The following LCOR variants were observed in gnomAD, a reference collection of about 807,000 sequenced individuals.
LCOR encodes the protein ligand dependent nuclear receptor corepressor.
In LCOR, 14 loss-of-function variants were observed where a neutral mutation model predicts 64.4. That is an observed-to-expected ratio of 0.22 (90% CI 0.14 to 0.34). The LOEUF (loss-of-function observed/expected upper bound fraction) is 0.34, where lower values mean the gene tolerates loss of function less well. Among genes scored for constraint, LCOR ranks in the 10% least tolerant of loss-of-function variants. The probability of loss-of-function intolerance (pLI) is 1.00; values close to 1 mark genes in which losing one functional copy is unlikely to be tolerated. For missense variants in LCOR, 1,686 were observed against 1,765.3 expected (o/e 0.96, Z 0.80); for synonymous variants, 643 against 642.5 (o/e 1.00, Z -0.01).
intron 4 of LCOR, among the ~76,000 whole-genome samples, chr10:96,922,958 C>T (rs941495926): frequency 6.6e-6 from 1 of 152,112 alleles, no homozygotes; most frequent in African/African-American, 2.4e-5. Context: ...TGATAGTCTG[C>T]TTAACAGTCA....
intron 4 of LCOR, among the ~76,000 whole-genome samples, chr10:96,933,594 C>G (rs370766155): frequency 4.6e-5 from 7 of 152,128 alleles, no homozygotes; most frequent in African/African-American, 1.7e-4. Flanking sequence ...GATCTGGGCT[C>G]ACTCAACCTC....
intron 4 of LCOR, among the ~76,000 whole-genome samples, chr10:96,942,472 A>AGGGAGAG (rs1029469531): frequency 7.9e-5 from 12 of 151,720 alleles, no homozygotes; most frequent in African/African-American, 2.7e-4. Flanking sequence ...GGAGAGGGAG[A>AGGGAGAG]GGGAGCGGTC....
At chr10:96,894,547 G>A (rs1391943083) in intron 2 of LCOR, among the ~76,000 whole-genome samples, 1 of 152,188 alleles carries the variant, frequency 6.6e-6, no homozygotes, top group African/African-American at 2.4e-5. Context: ...TTATTATGCA[G>A]GCAGTAGCTA....
At chr10:96,833,169 CCG>C (rs1427800623) in intron 1 of LCOR, 1 of 985,262 alleles carries the variant, frequency 1.0e-6, no homozygotes, top group Non-Finnish European at 1.2e-6. Context: ...GGGGGTGGGA[CCG>C]GGTCCGACCG....
intron 2 of LCOR, among the ~76,000 whole-genome samples, chr10:96,890,671 A>G (rs190244730): frequency 8.7e-4 from 133 of 152,176 alleles, no homozygotes; most frequent in Non-Finnish European, 1.3e-3. Context: ...GTATTTTGCT[A>G]TTGAGTATGT....
chr10:96,984,621 T>C lies in LCOR; in HGVS notation c.4161T>C (p.Ser1387=). 3.1e-6 allele frequency: 5 copies of C among 1,614,182 alleles called. No individual in the cohort carries two copies. The highest frequency in any genetic ancestry group is 4.2e-6 in the Non-Finnish European group (5 of 1,180,044). ...GMKGRKGKQV[S]EILPKAEVQS... is the part of the protein sequence containing the mutation. ...AGGGAAGGAAGGGGAAGCAGGTGTC[T>C]GAAATCTTGCCTAAAGCAGAAGTTC... Residue 1387 remains serine (S), a synonymous_variant, in exon 8 of 8, where the codon TCT becomes TCC. Transcript: ENST00000421806.
chr10:96,832,876 C>G (rs1344160207), intron 1 of LCOR: 1 of 566,906 alleles, frequency 1.8e-6, no homozygotes, highest in Admixed American at 6.4e-5. Context: ...TGCGCCACCC[C>G]TCCCCCACGC....
chr10:96,949,048 C>G lies in LCOR; in HGVS notation c.-10C>G. On this transcript the variant is annotated 5_prime_UTR_variant, in exon 6 of 8. Coordinates refer to ENST00000421806, the MANE Select transcript of LCOR (RefSeq NM_001346516.2). ...CCGACCCCAATATTCCCCTAGTGGC[C>G]CGTGAGATCATGCAGCGAATGATCC... 6.2e-7 allele frequency: 1 copy of G among 1,613,710 alleles called. No individual in the cohort carries two copies. Among genetic ancestry groups the G allele is most frequent in the Non-Finnish European group, 8.5e-7 (1 of 1,179,846 alleles).
At chr10:96,920,489 T>C (rs530336098) in intron 4 of LCOR, among the ~76,000 whole-genome samples, 1 of 74,436 alleles carries the variant, frequency 1.3e-5, no homozygotes, top group Admixed American at 1.3e-4. Context: ...TGTATATTCA[T>C]ATATATGTGT....
intron 4 of LCOR, among the ~76,000 whole-genome samples, chr10:96,939,963 A>G (rs940599533): frequency 2.0e-5 from 3 of 152,242 alleles, no homozygotes; most frequent in Non-Finnish European, 2.9e-5. Flanking sequence ...ACTCCGTCTC[A>G]AAAATAAAAG....
rs142124429 is a variant in LCOR, at chr10:96,867,526, G to C, written c.-330+34047G>C. 8.0e-3 allele frequency among the ~76,000 whole-genome samples: 1,214 copies of C among 152,288 alleles called. 11 individuals carry two copies. Among genetic ancestry groups the C allele is most frequent in the South Asian group, 0.039 (186 of 4,830 alleles). On this transcript the variant is annotated intron_variant, in intron 2 of 7. Transcript: ENST00000421806. ...GTGGGAGGATCGCTTGAGCTGAGGA[G>C]ATTAAGGCTGCAGTGAGCTGTGATC...
chr10:96,941,241 A>G (rs1264355388), intron 4 of LCOR, among the ~76,000 whole-genome samples: 1 of 65,626 alleles, frequency 1.5e-5, no homozygotes. Context: ...CGGGGGGCTG[A>G]CCCCCCCACC....
chr10:96,955,229 C>G (rs764403478), intron 7 of LCOR: 2 of 1,614,138 alleles, frequency 1.2e-6, no homozygotes, highest in Non-Finnish European at 8.5e-7. Context: ...ACGAGTTCAA[C>G]CTCAGCCGTA....
At chr10:96,891,523 C>A (rs1191068670) in intron 2 of LCOR, among the ~76,000 whole-genome samples, 2 of 11,812 alleles carry the variant, frequency 1.7e-4, no homozygotes, top group South Asian at 3.3e-3. Flanking sequence ...CTTACTCTGT[C>A]TTGACTCTTT....
In LCOR at chr10:96,915,566, T is replaced by TA. The variant is rs1282547126; in HGVS notation, c.-184+7825dup. ...AATTCTGCATTTTTATGAAACTTGG[T>TA]AAAAAATAGAATTTCAAACTATACA... On this transcript the variant is annotated intron_variant, in intron 4 of 7. Transcript: ENST00000421806. The TA allele has an allele frequency of 8.1e-5, 54 of 670,528 alleles. 1 individual carries two copies. Among genetic ancestry groups the TA allele is most frequent in the South Asian group, 7.6e-4 (49 of 64,328 alleles). The allele number at this position is 670,528 out of a possible 1,614,324, so 41.5% of individuals were successfully genotyped here.
chr10:96,920,434 G>GTATATATGTATGTATATTCA (rs71007309), intron 4 of LCOR, among the ~76,000 whole-genome samples: 21 of 124,002 alleles, frequency 1.7e-4, no homozygotes, highest in Admixed American at 7.8e-4. Flanking sequence ...ATATATATGT[G>GTATATATGTATGTATATTCA]TATATATGTG....
chr10:96,844,787 CAG>C (rs1845599288), intron 2 of LCOR, among the ~76,000 whole-genome samples: 1 of 152,166 alleles, frequency 6.6e-6, no homozygotes, highest in Non-Finnish European at 1.5e-5. Flanking sequence ...TCTACGCCTA[CAG>C]AGTCTTCTGT....
At chr10:96,851,809 A>G (rs1845725654) in intron 2 of LCOR, among the ~76,000 whole-genome samples, 1 of 152,198 alleles carries the variant, frequency 6.6e-6, no homozygotes, top group Non-Finnish European at 1.5e-5. Context: ...TGAAAGCCTG[A>G]CGTTGTTGTT....
intron 7 of LCOR, chr10:96,964,030 A>G (rs1307424489): frequency 6.6e-6 from 1 of 152,184 alleles, no homozygotes; most frequent in Non-Finnish European, 1.5e-5. Context: ...ATATTTATTT[A>G]CAGATTTTTT....
Sources: gnomAD v4.1 joint callset for allele counts (sites outside exome capture counted in the v4.1 genomes callset) on GRCh38, gnomAD v4.1.1 for gene constraint, MANE v1.5 for transcripts, NCBI Gene and HGNC (gene_info 2026-07-23, HGNC 2026-07-21) for gene names.